TECPR2: variants seen among roughly 807,000 people sequenced by gnomAD.
TECPR2 encodes the protein tectonin beta-propeller repeat-containing protein 2.
A neutral mutation model predicts 138.1 loss-of-function variants in TECPR2; 65 were observed. The ratio of observed to expected loss-of-function variants is 0.47; its 90% CI spans 0.39 to 0.58. The LOEUF is 0.58. TECPR2 is among the 20% of genes least tolerant of loss of function. TECPR2 has a pLI of 0.00. For synonymous variants in TECPR2, 746 were observed against 749.8 expected, an observed-to-expected ratio of 0.99 and a Z score of 0.08; for missense variants, 1,553 against 1,824.5, an observed-to-expected ratio of 0.85 and a Z score of 2.71.
chr14:102,382,982 G>A (rs1567317396), intron 2 of TECPR2, among the ~76,000 whole-genome samples: 1 of 151,998 alleles, frequency 6.6e-6, no homozygotes, highest in Non-Finnish European at 1.5e-5. Context: ...GGTCTCGAAC[G>A]CCAGACTTCA....
At chr14:102,469,314 A>G (rs1407915583) in intron 17 of TECPR2, among the ~76,000 whole-genome samples, 1 of 152,078 alleles carries the variant, frequency 6.6e-6, no homozygotes, top group Non-Finnish European at 1.5e-5. Flanking sequence ...GTTTATTTCT[A>G]AGTTCTGTAT....
At chr14:102,424,499 T>G (rs968409926) in intron 5 of TECPR2, among the ~76,000 whole-genome samples, 3 of 152,230 alleles carry the variant, frequency 2.0e-5, no homozygotes, top group Non-Finnish European at 4.4e-5. Flanking sequence ...CATGCCTGGC[T>G]AATTTTTGTA....
intron 17 of TECPR2, among the ~76,000 whole-genome samples, chr14:102,487,628 G>A (rs1240654454): frequency 2.0e-5 from 3 of 151,986 alleles, no homozygotes; most frequent in African/African-American, 7.2e-5. Flanking sequence ...TGCAAGCTCC[G>A]CCTCCCAGGT....
chr14:102,389,170 A>G (rs1888100771), intron 2 of TECPR2, among the ~76,000 whole-genome samples: 1 of 149,960 alleles, frequency 6.7e-6, no homozygotes, highest in Middle Eastern at 3.5e-3. Context: ...TAATAAAAAT[A>G]CAAAAATTAG....
chr14:102,405,243 A>T (rs866911544), intron 2 of TECPR2, among the ~76,000 whole-genome samples: 2 of 152,144 alleles, frequency 1.3e-5, no homozygotes, highest in African/African-American at 4.8e-5. Flanking sequence ...CGGGAGGTGG[A>T]GGTTGCAGTG....
chr14:102,373,249 A>G (rs938660420), intron 1 of TECPR2, among the ~76,000 whole-genome samples: 2 of 151,800 alleles, frequency 1.3e-5, no homozygotes, highest in Non-Finnish European at 2.9e-5. Context: ...AACAGTTTGT[A>G]TTAAGTACAG....
chr14:102,482,701 G>T (rs193234208), intron 17 of TECPR2, among the ~76,000 whole-genome samples: 1 of 152,304 alleles, frequency 6.6e-6, no homozygotes, highest in East Asian at 1.9e-4. Context: ...TGTCTGAAAA[G>T]TCTTTCATCT....
At chr14:102,475,779 TC>T (rs1890744605) in intron 17 of TECPR2, among the ~76,000 whole-genome samples, 1 of 151,884 alleles carries the variant, frequency 6.6e-6, no homozygotes, top group African/African-American at 2.4e-5. Flanking sequence ...GGGGAAGAAA[TC>T]CGTCAATAGG....
chr14:102,450,043 A>G (rs1056827613), intron 14 of TECPR2, among the ~76,000 whole-genome samples, 174 bp downstream of exon 14: 1 of 152,188 alleles, frequency 6.6e-6, no homozygotes, highest in Non-Finnish European at 1.5e-5. Flanking sequence ...CTTTTTAAAA[A>G]ATCTGTCATT....
chr14:102,474,788 C>T (rs1020414480), intron 17 of TECPR2, among the ~76,000 whole-genome samples: 1 of 152,132 alleles, frequency 6.6e-6, no homozygotes, highest in Non-Finnish European at 1.5e-5. Flanking sequence ...CTCCGAGGCA[C>T]GTCTCTGACC....
intron 17 of TECPR2, among the ~76,000 whole-genome samples, chr14:102,496,463 G>C (rs1254278217): frequency 2.0e-5 from 3 of 152,242 alleles, no homozygotes; most frequent in African/African-American, 7.2e-5. Context: ...CCAAGGACCA[G>C]GGCAGGGCGG....
intron 13 of TECPR2, among the ~76,000 whole-genome samples, chr14:102,446,684 C>G (rs557999563): frequency 2.6e-5 from 4 of 152,142 alleles, no homozygotes; most frequent in Non-Finnish European, 5.9e-5. Flanking sequence ...GCCACCACTC[C>G]CAGCCAATAG....
intron 10 of TECPR2, among the ~76,000 whole-genome samples, chr14:102,439,459 G>T (rs1199116663): frequency 6.6e-6 from 1 of 151,922 alleles, no homozygotes; most frequent in Admixed American, 6.6e-5. Context: ...TTAGAGACTG[G>T]CTAACAACCC....
intron 5 of TECPR2, among the ~76,000 whole-genome samples, chr14:102,423,212 C>T (rs1324550350): frequency 6.6e-6 from 1 of 152,136 alleles, no homozygotes; most frequent in Non-Finnish European, 1.5e-5. Flanking sequence ...GCAGGTGGAT[C>T]ACTTGAGGTC....
chr14:102,419,278 A>G lies in TECPR2; in HGVS notation c.638+4485A>G, dbSNP rs1567332701. ...GAGGCTGTGCACAGCCCTCCTCATC[A>G]GCAGGGCCAAGGGATTGGAAGGGCT... On this transcript the variant is annotated intron_variant, in intron 5 of 19. Transcript: ENST00000359520. The surrounding 1 kb of genome is among the most constrained non-coding windows in gnomAD (Gnocchi z 4.8). 6.6e-6 allele frequency among the ~76,000 whole-genome samples: 1 copy of G among 152,180 alleles called. No homozygotes were observed. The highest frequency in any genetic ancestry group is 2.4e-5 in the African/African-American group (1 of 41,436).
chr14:102,370,414 T>TA (rs1887470001), intron 1 of TECPR2, among the ~76,000 whole-genome samples: 1 of 152,154 alleles, frequency 6.6e-6, no homozygotes, highest in African/African-American at 2.4e-5. Flanking sequence ...AGGCAATACT[T>TA]ACTGGTGAAG....
intron 16 of TECPR2, among the ~76,000 whole-genome samples, chr14:102,453,592 G>A (rs1367464702): frequency 1.3e-5 from 2 of 152,144 alleles, no homozygotes; most frequent in Non-Finnish European, 2.9e-5. Context: ...TTCTCTCTGA[G>A]TAGATTCTTG....
intron 16 of TECPR2, among the ~76,000 whole-genome samples, chr14:102,463,340 C>T (rs1469675322): frequency 2.7e-5 from 4 of 149,522 alleles, no homozygotes; most frequent in African/African-American, 7.4e-5. Context: ...TGGCGTGAAC[C>T]CGGGAGGCGG....
At chr14:102,458,230 A>G (rs1353484857) in intron 16 of TECPR2, among the ~76,000 whole-genome samples, 1 of 152,122 alleles carries the variant, frequency 6.6e-6, no homozygotes, top group African/African-American at 2.4e-5. Context: ...GTCGCTCAGC[A>G]GTGTCCTGGC....
Sources: allele counts gnomAD v4.1 joint callset (sites outside exome capture counted in the v4.1 genomes callset), GRCh38; gene constraint gnomAD v4.1.1; non-coding constraint Gnocchi (gnomAD v3.1); transcripts MANE v1.5; gene names NCBI Gene and HGNC (gene_info 2026-07-23, HGNC 2026-07-21).